The following CTNNB1 variants were observed in gnomAD, a reference collection of about 807,000 sequenced individuals.
The protein encoded by CTNNB1 is catenin beta 1, also known as catenin beta-1.
A neutral mutation model predicts 82.5 loss-of-function variants in CTNNB1; 6 were observed. That is an observed-to-expected ratio of 0.07 (90% CI 0.04 to 0.14). The LOEUF is 0.14. CTNNB1 is among the 10% of genes least tolerant of loss of function. CTNNB1 has a pLI of 1.00. For synonymous variants in CTNNB1, 312 were observed against 329.7 expected (o/e 0.95, Z 0.58); for missense variants, 529 against 980.4 (o/e 0.54, Z 6.15).
chr3:41,230,380 A>G (rs953888606), intron 7 of CTNNB1, among the ~76,000 whole-genome samples: 1 of 152,214 alleles, frequency 6.6e-6, no homozygotes, highest in Non-Finnish European at 1.5e-5. Flanking sequence ...GTCTGTAGAT[A>G]GCTGGACATG....
chr3:41,224,908 TA>T (rs2125619249), intron 3 of CTNNB1, 45 bp from the exon 4 acceptor site: 1 of 1,613,906 alleles, frequency 6.2e-7, no homozygotes, highest in South Asian at 1.1e-5. Flanking sequence ...AATACTTAGG[TA>T]AATGCTGAAC....
chr3:41,218,518 G>A (rs2077965670), intron 1 of CTNNB1, among the ~76,000 whole-genome samples: 1 of 152,146 alleles, frequency 6.6e-6, no homozygotes, highest in African/African-American at 2.4e-5. Context: ...GTATGTAATT[G>A]TGATATGGCC....
rs1275719674 is a variant in CTNNB1 at position 41,239,428 on chromosome 3, G to C, written c.*86G>C. On this transcript the variant is annotated 3_prime_UTR_variant, in exon 15 of 15. Transcript: ENST00000349496. ...TACAGAACTTCAGAAAGACTTGGTT[G>C]GTAGGGTGGGAGTGGTTTAGGCTAT... is the stretch of plus-strand genomic sequence containing the variant. 1 of 1,240,656 alleles carries C rather than the reference G, an allele frequency of 8.1e-7. No individual in the cohort carries two copies. Among genetic ancestry groups the C allele is most frequent in the African/African-American group, 1.5e-5 (1 of 67,394 alleles). The allele number at this position is 1,240,656 out of a possible 1,614,324, so 76.9% of individuals were successfully genotyped here.
chr3:41,210,258 T>C (rs2077748182), intron 1 of CTNNB1, among the ~76,000 whole-genome samples: 1 of 152,008 alleles, frequency 6.6e-6, no homozygotes, highest in African/African-American at 2.4e-5. Context: ...TAAGAGACCA[T>C]CCTGGCTAAC....
intron 1 of CTNNB1, among the ~76,000 whole-genome samples, chr3:41,219,270 T>C (rs746225113): frequency 6.6e-6 from 1 of 152,206 alleles, no homozygotes; most frequent in Non-Finnish European, 1.5e-5. Flanking sequence ...CCAGTATTTA[T>C]TTTAGGATTA....
chr3:41,227,028 A>C (rs1009216246), intron 6 of CTNNB1, among the ~76,000 whole-genome samples, 180 bp from the exon 7 acceptor site: 6 of 152,164 alleles, frequency 3.9e-5, no homozygotes, highest in African/African-American at 1.4e-4. Context: ...ATGCTTTAAA[A>C]GGACAAGTTG....
chr3:41,234,270 C>T lies in CTNNB1; in HGVS notation c.1656C>T (p.Ser552=). 6.2e-7 allele frequency: 1 copy of T among 1,614,166 alleles called. No homozygotes were observed. The highest frequency in any genetic ancestry group is 2.2e-5 in the East Asian group (1 of 44,882). Residue 552 remains serine (S), a synonymous_variant, in exon 10 of 15, where the codon TCC becomes TCT. Coordinates refer to ENST00000349496, the MANE Select transcript of CTNNB1 (RefSeq NM_001904.4). The stretch of plus-strand genomic sequence containing the variant: ...ATCAGGATACCCAGCGCCGTACGTC[C>T]ATGGGTGGGACACAGCAGCAATTTG... ...RAHQDTQRRT[S]MGGTQQQFVE...
intron 1 of CTNNB1, among the ~76,000 whole-genome samples, chr3:41,216,029 G>T (rs74646893): frequency 6.6e-6 from 1 of 152,280 alleles, no homozygotes; most frequent in East Asian, 1.9e-4. Flanking sequence ...GGTATGGGGG[G>T]TGGAAATATG....
In CTNNB1 at chr3:41,225,553, G is replaced by T. The variant is rs2125623472; in HGVS notation, c.715G>T (p.Ala239Ser). Residue 239 changes from alanine to serine, a missense_variant, in exon 5 of 15, where the codon GCC becomes TCC. Coordinates refer to ENST00000349496, the MANE Select transcript of CTNNB1 (RefSeq NM_001904.4). This position sits in a 1 kb window ranked among gnomAD's most constrained non-coding sequence, Gnocchi z 5.3. ...LAIFKSGGIP[A>S]LVKMLGSPVD... is the part of the protein sequence containing the mutation. ...CATCTTTAAGTCTGGAGGCATTCCT[G>T]CCCTGGTGAAAATGCTTGGGTAAGA... is the stretch of plus-strand genomic sequence containing the variant. 1.9e-6 allele frequency: 3 copies of T among 1,614,116 alleles called. No individual in the cohort carries two copies. The highest frequency in any genetic ancestry group is 2.5e-6 in the Non-Finnish European group (3 of 1,179,982).
chr3:41,233,990 A>G, intron 9 of CTNNB1, 123 bp downstream of exon 9: 1 of 1,423,320 alleles, frequency 7.0e-7, no homozygotes, highest in Non-Finnish European at 9.9e-7. Flanking sequence ...GTAAGTAGGA[A>G]GTATGGCTGC....
At chr3:41,223,547 T>C (rs2078101986) in intron 1 of CTNNB1, among the ~76,000 whole-genome samples, 1 of 152,156 alleles carries the variant, frequency 6.6e-6, no homozygotes, top group South Asian at 2.1e-4. Context: ...TAATTTTTGA[T>C]GGCACTATAT....
In CTNNB1 at chr3:41,205,826, A is replaced by AC. The variant is rs561434078; in HGVS notation, c.-49+6156_-49+6157insC. Reference sequence around the variant, plus strand: ...ATTTTTATTACGATACGATGGTGTAAAATACAAGCAGATCAGTGAACCATT... The same window carrying AC: ...ATTTTTATTACGATACGATGGTGTAACAATACAAGCAGATCAGTGAACCATT... On this transcript the variant is annotated intron_variant, in intron 1 of 14. Coordinates refer to ENST00000349496, the MANE Select transcript of CTNNB1 (RefSeq NM_001904.4). Among the ~76,000 whole-genome samples the AC allele has an allele frequency of 2.2e-3, 329 of 152,328 alleles. 2 individuals are homozygous for AC. The highest frequency in any genetic ancestry group is 7.5e-3 in the African/African-American group (312 of 41,564).
At chr3:41,226,626 A>G (rs2078182761) in intron 6 of CTNNB1, among the ~76,000 whole-genome samples, 2 of 152,202 alleles carry the variant, frequency 1.3e-5, no homozygotes, top group African/African-American at 4.8e-5. Flanking sequence ...CAGATCTCAT[A>G]GGGCTTTGTA....
At position 41,239,508 on chromosome 3, in the gene CTNNB1, A is replaced by G. The variant is rs2078522508; in HGVS notation, c.*166A>G. On this transcript the variant is annotated 3_prime_UTR_variant, in exon 15 of 15. Coordinates refer to ENST00000349496, the MANE Select transcript of CTNNB1 (RefSeq NM_001904.4). ...ACTTTGAAAGGAGATGTCTTGGAAC[A>G]TTGGAATGTTCTCAGATTTCTGGTT... 3 of 651,152 alleles carry G rather than the reference A, an allele frequency of 4.6e-6. No homozygotes were observed. Among genetic ancestry groups the G allele is most frequent in the South Asian group, 1.8e-5 (1 of 55,822 alleles). 40.3% of individuals were successfully genotyped at this position (651,152 alleles called of 1,614,324 possible).
In CTNNB1 at chr3:41,233,415, A is replaced by C. The variant is rs778731804; in HGVS notation, c.1156A>C (p.Arg386=). ...RLVQNCLWTL[R]NLSDAATKQE... ...TGTTCAGAACTGTCTTTGGACTCTCAGGAATCTTTCAGATGCTGCAACTAA... is the reference window on the plus strand; with the variant it reads ...TGTTCAGAACTGTCTTTGGACTCTCCGGAATCTTTCAGATGCTGCAACTAA... The change falls in exon 8 of 15, where the codon AGG becomes CGG. Residue 386 remains arginine, a synonymous_variant. Transcript: ENST00000349496. 5 of 1,614,024 alleles carry C rather than the reference A, an allele frequency of 3.1e-6. No individual in the cohort carries two copies. Among genetic ancestry groups the C allele is most frequent in the Non-Finnish European group, 4.2e-6 (5 of 1,179,960 alleles).
At chr3:41,233,257 C>G (rs1443411859) in intron 7 of CTNNB1, 84 bp from the exon 8 acceptor site, 1 of 1,110,050 alleles carries the variant, frequency 9.0e-7, no homozygotes, top group Non-Finnish European at 1.4e-6. Context: ...CAGAAGGACA[C>G]CTCCTAAGGC....
At chr3:41,227,926 G>A (rs750540383) in intron 7 of CTNNB1, among the ~76,000 whole-genome samples, 2 of 152,014 alleles carry the variant, frequency 1.3e-5, no homozygotes, top group Non-Finnish European at 2.9e-5. Context: ...CTTTGTGCCC[G>A]TGTGTACTCA....
chr3:41,236,859 T>C, intron 13 of CTNNB1, 150 bp downstream of exon 13: 1 of 952,950 alleles, frequency 1.0e-6, no homozygotes, highest in Non-Finnish European at 1.7e-6. Context: ...TAGCAACTGC[T>C]CTGAGGAAGA....
chr3:41,224,305 A>C (rs2078121355), intron 2 of CTNNB1: 1 of 699,472 alleles, frequency 1.4e-6, no homozygotes, highest in Non-Finnish European at 2.5e-6. Flanking sequence ...ATGCAGTACC[A>C]TTCTTCCACT....
Sources: allele counts gnomAD v4.1 joint callset (sites outside exome capture counted in the v4.1 genomes callset), GRCh38; gene constraint gnomAD v4.1.1; non-coding constraint Gnocchi (gnomAD v3.1); transcripts MANE v1.5; gene names NCBI Gene and HGNC (gene_info 2026-07-23, HGNC 2026-07-21).